The following SLC24A3 variants were observed in gnomAD, a reference collection of about 807,000 sequenced individuals.
SLC24A3 encodes solute carrier family 24 member 3, also known as sodium/potassium/calcium exchanger 3.
A neutral mutation model predicts 75.8 loss-of-function variants in SLC24A3; 28 were observed. The ratio of observed to expected loss-of-function variants is 0.37; its 90% CI spans 0.27 to 0.51. The LOEUF (loss-of-function observed/expected upper bound fraction) is 0.51, where lower values mean the gene tolerates loss of function less well. Ranked by LOEUF, SLC24A3 falls within the 20% of genes least tolerant of loss-of-function variation. SLC24A3 has a pLI of 0.94. For synonymous variants in SLC24A3, 372 were observed against 334.1 expected (o/e 1.11, Z -1.24); for missense variants, 663 against 847.8 (o/e 0.78, Z 2.71).
intron 2 of SLC24A3, among the ~76,000 whole-genome samples, chr20:19,366,619 A>G (rs1026786055): frequency 6.6e-6 from 1 of 152,100 alleles, no homozygotes; most frequent in African/African-American, 2.4e-5. Flanking sequence ...ACAACCATGC[A>G]TCTCCCTTCA....
intron 1 of SLC24A3, among the ~76,000 whole-genome samples, chr20:19,269,989 G>A (rs769506791): frequency 6.1e-4 from 93 of 152,206 alleles, no homozygotes; most frequent in Non-Finnish European, 7.4e-4. Context: ...CATCTTCTTC[G>A]CTTCCATTCC....
intron 2 of SLC24A3, among the ~76,000 whole-genome samples, chr20:19,299,089 A>T (rs1234479245): frequency 6.6e-6 from 1 of 152,110 alleles, no homozygotes; most frequent in Non-Finnish European, 1.5e-5. Context: ...AAGTTCCCGC[A>T]TCCCCCCAAC....
intron 3 of SLC24A3, among the ~76,000 whole-genome samples, chr20:19,573,076 A>C (rs1041711587): frequency 4.6e-5 from 7 of 152,122 alleles, no homozygotes; most frequent in African/African-American, 1.7e-4. Context: ...TCTCCACAAC[A>C]CCTTCACTGA....
intron 2 of SLC24A3, among the ~76,000 whole-genome samples, chr20:19,446,294 C>G (rs754185115): frequency 1.3e-5 from 2 of 152,190 alleles, no homozygotes; most frequent in Non-Finnish European, 2.9e-5. Context: ...AATGGGAAAG[C>G]TAATATTTAC....
At chr20:19,579,581 A>T (rs1358518757) in intron 3 of SLC24A3, among the ~76,000 whole-genome samples, 2 of 152,240 alleles carry the variant, frequency 1.3e-5, no homozygotes, top group African/African-American at 4.8e-5. Context: ...GAATTAATTT[A>T]ACATATAATG....
intron 2 of SLC24A3, among the ~76,000 whole-genome samples, chr20:19,501,240 C>G (rs1988379379): frequency 6.6e-6 from 1 of 152,172 alleles, no homozygotes; most frequent in African/African-American, 2.4e-5. Context: ...TTACTTGGAA[C>G]ATAAATTATG....
At chr20:19,528,502 A>G (rs190237546) in intron 3 of SLC24A3, among the ~76,000 whole-genome samples, 23 of 152,290 alleles carry the variant, frequency 1.5e-4, no homozygotes, top group Admixed American at 1.4e-3. Context: ...GGAAATCGCC[A>G]AGCACATAGG....
At chr20:19,273,874 A>G (rs1380788243) in intron 1 of SLC24A3, among the ~76,000 whole-genome samples, 1 of 151,512 alleles carries the variant, frequency 6.6e-6, no homozygotes, top group Admixed American at 6.6e-5. Context: ...CTCAGCAACG[A>G]CAATCACAGG....
At chr20:19,712,982 T>C (rs6046268) in intron 15 of SLC24A3, among the ~76,000 whole-genome samples, 113,922 of 152,188 alleles carry the variant, frequency 0.75, 42,917 homozygotes, top group East Asian at 0.96. Flanking sequence ...GAAGGGCACC[T>C]GAGAACTTTC....
chr20:19,311,249 C>G (rs547889346), intron 2 of SLC24A3, among the ~76,000 whole-genome samples: 2 of 152,288 alleles, frequency 1.3e-5, no homozygotes, highest in Non-Finnish European at 2.9e-5. Flanking sequence ...CTCAAGGCTT[C>G]AAGAGAACCC....
intron 1 of SLC24A3, among the ~76,000 whole-genome samples, chr20:19,215,511 C>G (rs1981528942): frequency 6.6e-6 from 1 of 152,114 alleles, no homozygotes; most frequent in East Asian, 1.9e-4. Context: ...GAAAGCCATG[C>G]AGTGATTGTT....
intron 2 of SLC24A3, among the ~76,000 whole-genome samples, chr20:19,311,753 T>A (rs1236177369): frequency 6.6e-6 from 1 of 152,114 alleles, no homozygotes; most frequent in African/African-American, 2.4e-5. Context: ...AGTATGCAGC[T>A]CTCTTTTTTC....
chr20:19,447,593 TAGAA>T (rs1442052357), intron 2 of SLC24A3, among the ~76,000 whole-genome samples: 1 of 152,064 alleles, frequency 6.6e-6, no homozygotes, highest in Non-Finnish European at 1.5e-5. Context: ...AACAAATAAA[TAGAA>T]ACAGGAAGAT....
At chr20:19,584,872 G>A in intron 4 of SLC24A3, 99 bp from the exon 5 acceptor site, 2 of 1,070,904 alleles carry the variant, frequency 1.9e-6, no homozygotes, top group Non-Finnish European at 2.8e-6. Context: ...TGAAGCCCCA[G>A]TCTTTGCTTC....
chr20:19,233,553 G>A (rs1982084803), intron 1 of SLC24A3, among the ~76,000 whole-genome samples: 1 of 152,230 alleles, frequency 6.6e-6, no homozygotes, highest in African/African-American at 2.4e-5. Context: ...ACTTGCCTGT[G>A]CATGCACTTT....
intron 6 of SLC24A3, among the ~76,000 whole-genome samples, chr20:19,600,646 T>A (rs1309999909): frequency 6.6e-6 from 1 of 152,194 alleles, no homozygotes; most frequent in Non-Finnish European, 1.5e-5. Flanking sequence ...AAGTGGGTTT[T>A]GTGTATGTGT....
intron 2 of SLC24A3, among the ~76,000 whole-genome samples, chr20:19,429,537 A>G (rs1177337054): frequency 2.0e-5 from 3 of 152,164 alleles, no homozygotes; most frequent in African/African-American, 7.2e-5. Flanking sequence ...TTCTTGAGTT[A>G]AGCTTAGCCC....
intron 4 of SLC24A3, among the ~76,000 whole-genome samples, chr20:19,582,798 T>G (rs1248884072): frequency 6.6e-6 from 1 of 151,672 alleles, no homozygotes; most frequent in Non-Finnish European, 1.5e-5. Context: ...GGAAGAAGAG[T>G]GAACATGAAC....
chr20:19,378,587 C>G (rs557493404), intron 2 of SLC24A3, among the ~76,000 whole-genome samples: 3 of 152,184 alleles, frequency 2.0e-5, no homozygotes, highest in African/African-American at 7.2e-5. Flanking sequence ...TTGAAGACAC[C>G]CTGTGCTGCT....
Sources: gnomAD v4.1 joint callset for allele counts (sites outside exome capture counted in the v4.1 genomes callset) on GRCh38, gnomAD v4.1.1 for gene constraint, MANE v1.5 for transcripts, NCBI Gene and HGNC (gene_info 2026-07-23, HGNC 2026-07-21) for gene names.